CPEB3: variants seen among roughly 807,000 people sequenced by gnomAD.
The protein encoded by CPEB3 is cytoplasmic polyadenylation element-binding protein 3.
Under a neutral mutation model 67.2 loss-of-function variants are expected in CPEB3, and 20 were observed. That is an observed-to-expected ratio of 0.30 (90% CI 0.21 to 0.43). CPEB3 has a LOEUF of 0.43. Among genes scored for constraint, CPEB3 ranks in the 20% least tolerant of loss-of-function variants. The probability of loss-of-function intolerance (pLI) is 1.00; values close to 1 mark genes in which losing one functional copy is unlikely to be tolerated. For missense variants in CPEB3, 746 were observed against 968.6 expected, an observed-to-expected ratio of 0.77 and a Z score of 3.05; for synonymous variants, 376 against 393.1, an observed-to-expected ratio of 0.96 and a Z score of 0.51.
rs551859525 is a variant in CPEB3 at position 92,051,250 on chromosome 10, T to C, written c.*962A>G. 1 of 152,790 alleles carries C rather than the reference T, an allele frequency of 6.5e-6. No individual in the cohort carries two copies. The highest frequency in any genetic ancestry group is 1.9e-4 in the East Asian group (1 of 5,190). 9.5% of individuals were successfully genotyped at this position (152,790 alleles called of 1,614,324 possible). A position where few individuals can be genotyped will look rare whatever the true frequency, so the allele number is the denominator to read the frequency against. ...TTTTTTTAAAAAATGAGTATTTTTA[T>C]AGCTTATATAGATTCTTAATTTGTG... is the stretch of plus-strand genomic sequence containing the variant. On this transcript the variant is annotated 3_prime_UTR_variant, in exon 10 of 10. Coordinates refer to ENST00000265997, the MANE Select transcript of CPEB3 (RefSeq NM_014912.5).
At chr10:92,180,542 C>T (rs1379895380) in intron 4 of CPEB3, among the ~76,000 whole-genome samples, 1 of 152,144 alleles carries the variant, frequency 6.6e-6, no homozygotes, top group Non-Finnish European at 1.5e-5. Context: ...CTTTGTAGCA[C>T]AAAAGTAGCC....
At chr10:92,218,338 T>C (rs1181243405) in intron 2 of CPEB3, among the ~76,000 whole-genome samples, 1 of 151,908 alleles carries the variant, frequency 6.6e-6, no homozygotes. Flanking sequence ...ACCTGGGAGG[T>C]GGAGGTCGCA....
intron 1 of CPEB3, among the ~76,000 whole-genome samples, chr10:92,254,852 A>AT (rs901630197): frequency 1.3e-5 from 2 of 150,604 alleles, no homozygotes; most frequent in Non-Finnish European, 3.0e-5. Context: ...CCTTTTCCTT[A>AT]TTTTTTTATT....
chr10:92,072,844 G>C (rs1935864), intron 9 of CPEB3, among the ~76,000 whole-genome samples: 7 of 151,976 alleles, frequency 4.6e-5, no homozygotes, highest in Non-Finnish European at 1.0e-4. Context: ...TACACCTCAA[G>C]TATGCGGAGG....
intron 5 of CPEB3, among the ~76,000 whole-genome samples, chr10:92,144,434 C>T (rs1846583258): frequency 1.3e-5 from 2 of 152,022 alleles, no homozygotes; most frequent in South Asian, 2.1e-4. Flanking sequence ...CCATACCCGG[C>T]TAATCTTGTT....
At chr10:92,084,942 A>C (rs897623483) in intron 8 of CPEB3, among the ~76,000 whole-genome samples, 1 of 152,216 alleles carries the variant, frequency 6.6e-6, no homozygotes, top group Non-Finnish European at 1.5e-5. Context: ...AGTAAACAAT[A>C]GTCAAACAAC....
rs56316802 is a variant in CPEB3, at chr10:92,258,625, AATATATATATATATATATATATATATAT to A, written c.-11-18292_-11-18265del. On this transcript the variant is annotated intron_variant, in intron 1 of 9. Transcript: ENST00000265997. ...TTCCAGACTTCAATTATATTTTTTGAATATATATATATATATATATATATATATATATATATATATATATATATATATA... is the reference window on the plus strand; with the variant it reads ...TTCCAGACTTCAATTATATTTTTTGAATATATATATATATATATATATATA... Among the ~76,000 whole-genome samples, 296 of 32,906 alleles carry A rather than the reference AATATATATATATATATATATATATATAT, an allele frequency of 9.0e-3. 5 individuals are homozygous for A. The highest frequency in any genetic ancestry group is 0.012 in the African/African-American group (40 of 3,452). The allele number at this position is 32,906 out of a possible 152,430, so 21.6% of individuals were successfully genotyped here.
At chr10:92,241,656 C>T (rs912360432) in intron 1 of CPEB3, among the ~76,000 whole-genome samples, 1 of 152,110 alleles carries the variant, frequency 6.6e-6, no homozygotes, top group Non-Finnish European at 1.5e-5. Flanking sequence ...GCTATATTCA[C>T]CTCTACCATA....
At chr10:92,257,011 G>C (rs1273250133) in intron 1 of CPEB3, among the ~76,000 whole-genome samples, 7 of 152,180 alleles carry the variant, frequency 4.6e-5, no homozygotes, top group Non-Finnish European at 5.9e-5. Context: ...CCAATTTGTT[G>C]AAATGTAAAG....
chr10:92,196,651 C>T (rs1393029142), intron 2 of CPEB3, among the ~76,000 whole-genome samples: 3 of 152,004 alleles, frequency 2.0e-5, no homozygotes, highest in East Asian at 1.9e-4. Flanking sequence ...GCCTGTAGTC[C>T]CAACTACTCG....
At chr10:92,088,700 T>C (rs1843482922) in intron 8 of CPEB3, among the ~76,000 whole-genome samples, 1 of 151,666 alleles carries the variant, frequency 6.6e-6, no homozygotes, top group South Asian at 2.1e-4. Flanking sequence ...CTGTGACATA[T>C]TAAGGGATAC....
chr10:92,136,167 A>T (rs1279076601), intron 6 of CPEB3, among the ~76,000 whole-genome samples: 2 of 152,032 alleles, frequency 1.3e-5, no homozygotes, highest in Non-Finnish European at 2.9e-5. Flanking sequence ...TAATAATAAA[A>T]AAAAAACTTC....
At chr10:92,262,771 T>C (rs77828971) in intron 1 of CPEB3, among the ~76,000 whole-genome samples, 320 of 152,328 alleles carry the variant, frequency 2.1e-3, no homozygotes, top group African/African-American at 7.3e-3. Flanking sequence ...AAAATGGAGA[T>C]AATATTAACA....
intron 7 of CPEB3, among the ~76,000 whole-genome samples, chr10:92,105,794 A>G (rs1844419329): frequency 7.1e-6 from 1 of 140,506 alleles, no homozygotes; most frequent in Non-Finnish European, 1.5e-5. Context: ...ATATCAGCTC[A>G]CTGCAACCTC....
In CPEB3 at chr10:92,256,870, A is replaced by G. The variant is rs80200515; in HGVS notation, c.-11-16509T>C. On this transcript the variant is annotated intron_variant, in intron 1 of 9. Transcript: ENST00000265997. The stretch of plus-strand genomic sequence containing the variant: ...TATTTCAGTGTAATTATTTGTTTAC[A>G]CATCTGCCTTTCCTAGAAGACCTCC... Among the ~76,000 whole-genome samples, 662 of 152,364 alleles carry G rather than the reference A, an allele frequency of 4.3e-3. 4 individuals carry two copies. The highest frequency in any genetic ancestry group is 7.5e-3 in the Non-Finnish European group (507 of 68,040).
intron 6 of CPEB3, among the ~76,000 whole-genome samples, chr10:92,130,648 T>C (rs1016963542): frequency 7.0e-6 from 1 of 143,480 alleles, no homozygotes; most frequent in Non-Finnish European, 1.5e-5. Context: ...ATTCTTTCCC[T>C]ATGTGGCTTT....
intron 6 of CPEB3, among the ~76,000 whole-genome samples, chr10:92,140,631 G>A (rs1414883579): frequency 1.3e-5 from 2 of 149,284 alleles, no homozygotes; most frequent in Non-Finnish European, 3.0e-5. Flanking sequence ...TTGACAAATG[G>A]GATCTAATTA....
intron 1 of CPEB3, among the ~76,000 whole-genome samples, chr10:92,249,558 G>C (rs997036995): frequency 2.0e-5 from 3 of 152,046 alleles, no homozygotes; most frequent in Non-Finnish European, 4.4e-5. Context: ...TGAGGCAGGA[G>C]AATCACTTGA....
chr10:92,114,279 G>A (rs981829266), intron 6 of CPEB3, among the ~76,000 whole-genome samples: 2 of 152,184 alleles, frequency 1.3e-5, no homozygotes, highest in African/African-American at 4.8e-5. Flanking sequence ...AGCAAACCCA[G>A]ATGACAACAG....
Sources: gnomAD v4.1 joint callset for allele counts (sites outside exome capture counted in the v4.1 genomes callset) on GRCh38, gnomAD v4.1.1 for gene constraint, MANE v1.5 for transcripts, NCBI Gene and HGNC (gene_info 2026-07-23, HGNC 2026-07-21) for gene names.